The following EVI5 variants were observed in gnomAD, a reference collection of about 807,000 sequenced individuals.
EVI5 encodes ecotropic viral integration site 5.
EVI5 carries 73 observed loss-of-function variants against 112.0 expected under a neutral mutation model. That is an observed-to-expected ratio of 0.65 (90% CI 0.54 to 0.79). EVI5 has a LOEUF of 0.79. Among genes scored for constraint, EVI5 ranks in the 30% least tolerant of loss-of-function variants. The pLI, the probability that EVI5 is intolerant of heterozygous loss-of-function variation, is 0.00. For missense variants in EVI5, 900 were observed against 968.8 expected (o/e 0.93, Z 0.94); for synonymous variants, 305 against 319.9 (o/e 0.95, Z 0.50).
chr1:92,766,096 AAATAAT>A (rs71091300), intron 1 of EVI5, among the ~76,000 whole-genome samples: 8,872 of 140,866 alleles, frequency 0.063, 453 homozygotes, highest in African/African-American at 0.14. Context: ...AGACCCTGCA[AAATAAT>A]AATAATAATA....
chr1:92,559,907 C>G (rs1668263835), intron 19 of EVI5, among the ~76,000 whole-genome samples: 1 of 151,114 alleles, frequency 6.6e-6, no homozygotes. Context: ...TACATGCCAT[C>G]ATTGTTCTAT....
At chr1:92,780,183 C>T (rs1264618582) in intron 1 of EVI5, among the ~76,000 whole-genome samples, 2 of 152,358 alleles carry the variant, frequency 1.3e-5, no homozygotes, top group African/African-American at 4.8e-5. Flanking sequence ...CATTCATTCG[C>T]TCTCCTGTTC....
rs1318130739 is a variant in EVI5 at position 92,513,643 on chromosome 1, GTCAC to G, written c.*9_*12del. On this transcript the variant is annotated 3_prime_UTR_variant, in exon 20 of 20. Transcript: ENST00000684568. ...TCCCTTAAATAAATCCATAGTCTAGGTCACAGTGATGGTCAGACAGTGGTTGAAT... is the reference window on the plus strand; with the variant it reads ...TCCCTTAAATAAATCCATAGTCTAGGAGTGATGGTCAGACAGTGGTTGAAT... The G allele has an allele frequency of 6.4e-7, 1 of 1,569,098 alleles. No individual in the cohort carries two copies. Among genetic ancestry groups the G allele is most frequent in the Non-Finnish European group, 8.7e-7 (1 of 1,154,866 alleles).
At chr1:92,652,030 A>G (rs1372836049) in intron 13 of EVI5, among the ~76,000 whole-genome samples, 2 of 152,172 alleles carry the variant, frequency 1.3e-5, no homozygotes, top group Admixed American at 1.3e-4. Flanking sequence ...AGGAACTTAA[A>G]CAGATACTTA....
intron 2 of EVI5, among the ~76,000 whole-genome samples, chr1:92,713,764 A>G (rs961226787): frequency 1.3e-5 from 2 of 152,136 alleles, no homozygotes; most frequent in African/African-American, 4.8e-5. Flanking sequence ...CCGACAGAGT[A>G]AGACCCTGTC....
intron 2 of EVI5, among the ~76,000 whole-genome samples, chr1:92,707,078 C>T (rs1165092032): frequency 6.7e-6 from 1 of 150,342 alleles, no homozygotes; most frequent in Non-Finnish European, 1.5e-5. Flanking sequence ...ACTAGGGAGG[C>T]TGAGGCAGGA....
chr1:92,543,582 GCTAA>G (rs1308442390), intron 19 of EVI5, among the ~76,000 whole-genome samples: 1 of 152,096 alleles, frequency 6.6e-6, no homozygotes, highest in Admixed American at 6.5e-5. Context: ...TCACAACTTG[GCTAA>G]CTGTTTGGTG....
chr1:92,632,262 G>C (rs543388729), intron 14 of EVI5, among the ~76,000 whole-genome samples: 2 of 152,268 alleles, frequency 1.3e-5, no homozygotes, highest in African/African-American at 4.8e-5. Context: ...TATGGTACCA[G>C]CTCCTCCTTG....
chr1:92,573,165 G>C (rs1011738657), intron 18 of EVI5, among the ~76,000 whole-genome samples: 4 of 151,968 alleles, frequency 2.6e-5, no homozygotes, highest in African/African-American at 9.7e-5. Context: ...AAGATAATTA[G>C]AGAAGTATCA....
In EVI5 at chr1:92,513,676, ACT is replaced by A; in HGVS notation, c.2459_2460del (p.Glu820ValfsTer13). On this transcript the variant is annotated frameshift_variant, in exon 20 of 20. Coordinates refer to ENST00000684568, the MANE Select transcript of EVI5 (RefSeq NM_001350197.2). LOFTEE classifies it high-confidence loss of function. ...GATGGTCAGACAGTGGTTGAATACG[ACT>A]CTCTTCTTCTCGGGGGCCGCTCCTT... The part of the protein sequence containing the change: ...VQKERPPRRR[E>X]SYSTTV 1 of 1,602,006 alleles carries A rather than the reference ACT, an allele frequency of 6.2e-7. No homozygotes were observed. The highest frequency in any genetic ancestry group is 8.5e-7 in the Non-Finnish European group (1 of 1,174,624).
chr1:92,773,561 G>A (rs532497190), intron 1 of EVI5, among the ~76,000 whole-genome samples: 177 of 152,144 alleles, frequency 1.2e-3, no homozygotes, highest in Non-Finnish European at 1.8e-3. Context: ...AAGATCGCTT[G>A]AGCCCAGGAG....
At chr1:92,691,196 CTGAG>C (rs1460539261) in intron 9 of EVI5, among the ~76,000 whole-genome samples, 7 of 151,894 alleles carry the variant, frequency 4.6e-5, no homozygotes, top group African/African-American at 1.7e-4. Flanking sequence ...TGAACATAGA[CTGAG>C]TATTAGGCAG....
chr1:92,687,766 G>C (rs1668811913), intron 9 of EVI5, among the ~76,000 whole-genome samples: 1 of 152,206 alleles, frequency 6.6e-6, no homozygotes, highest in African/African-American at 2.4e-5. Context: ...CATTTATGCA[G>C]CCAACAGACA....
At chr1:92,754,656 C>T (rs1170648846) in intron 1 of EVI5, among the ~76,000 whole-genome samples, 1 of 152,188 alleles carries the variant, frequency 6.6e-6, no homozygotes, top group African/African-American at 2.4e-5. Context: ...GTGGACCTTT[C>T]CATAAGACTG....
At position 92,784,487 on chromosome 1, in the gene EVI5, T is replaced by C. The variant is rs369848012; in HGVS notation, c.-82+349A>G. 4.0e-4 allele frequency: 386 copies of C among 961,946 alleles called. No homozygotes were observed. In the Middle Eastern group the frequency reaches 5.3e-3, roughly 13 times the overall value. 59.6% of individuals were successfully genotyped at this position (961,946 alleles called of 1,614,324 possible). On this transcript the variant is annotated intron_variant, in intron 1 of 19. Transcript: ENST00000684568. The stretch of plus-strand genomic sequence containing the variant: ...CCCCAAAGGGAACCGACTTCTGGCC[T>C]CGAGGGTGGGGTGCAGGGTCAGTGT...
intron 18 of EVI5, among the ~76,000 whole-genome samples, chr1:92,570,788 C>G (rs1303495732): frequency 6.6e-6 from 1 of 151,966 alleles, no homozygotes; most frequent in East Asian, 1.9e-4. Context: ...GATGTTTTTT[C>G]CAAAGGTGGG....
intron 14 of EVI5, among the ~76,000 whole-genome samples, chr1:92,626,851 G>C (rs1326178653): frequency 6.6e-6 from 1 of 152,014 alleles, no homozygotes; most frequent in Non-Finnish European, 1.5e-5. Context: ...TCCAAAATCT[G>C]TTTTTGTTGT....
intron 1 of EVI5, among the ~76,000 whole-genome samples, chr1:92,746,548 A>C (rs1415416028): frequency 6.6e-6 from 1 of 152,122 alleles, no homozygotes; most frequent in Non-Finnish European, 1.5e-5. Context: ...CAACATGGTG[A>C]AACCCTGTCT....
At chr1:92,743,503 T>C (rs2102868636) in intron 1 of EVI5, among the ~76,000 whole-genome samples, 1 of 152,002 alleles carries the variant, frequency 6.6e-6, no homozygotes, top group Non-Finnish European at 1.5e-5. Flanking sequence ...GAAAGTAAAA[T>C]GGTGGTTGCC....
Sources: allele counts gnomAD v4.1 joint callset (sites outside exome capture counted in the v4.1 genomes callset), GRCh38; gene constraint gnomAD v4.1.1; transcripts MANE v1.5; gene names NCBI Gene and HGNC (gene_info 2026-07-23, HGNC 2026-07-21).